Variants in BCKDHA observed in about 807,000 individuals in gnomAD.
BCKDHA encodes branched chain keto acid dehydrogenase E1 subunit alpha.
In BCKDHA, 43 loss-of-function variants were observed where a neutral mutation model predicts 52.2. The observed-to-expected ratio is 0.82, with a 90% CI of 0.64 to 1.06. The LOEUF (loss-of-function observed/expected upper bound fraction) is 1.06. Among genes scored for constraint, BCKDHA ranks in the 50% least tolerant of loss-of-function variants. The pLI is 0.00. For synonymous variants in BCKDHA, 234 were observed against 247.9 expected, an observed-to-expected ratio of 0.94 and a Z score of 0.53; for missense variants, 527 against 621.3, an observed-to-expected ratio of 0.85 and a Z score of 1.61.
Position 41,419,169 on chromosome 19 carries a change from A to G in BCKDHA, c.519A>G (p.Leu173=), listed in dbSNP as rs1358995276. Residue 173 remains leucine (L), a synonymous_variant, in exon 5 of 9, where the codon CTA becomes CTG. Coordinates refer to ENST00000269980, the MANE Select transcript of BCKDHA (RefSeq NM_000709.4). ...TGTATCGGGACTACCCCCTGGAACT[A>G]TTCATGGCCCAGTGCTATGGCAACA... ...VLMYRDYPLE[L]FMAQCYGNIS... 6.2e-7 allele frequency: 1 copy of G among 1,614,030 alleles called. No homozygotes were observed. Among genetic ancestry groups the G allele is most frequent in the Non-Finnish European group, 8.5e-7 (1 of 1,180,024 alleles).
chr19:41,402,895 C>A (rs1321445380), intron 1 of BCKDHA, among the ~76,000 whole-genome samples: 1 of 151,742 alleles, frequency 6.6e-6, no homozygotes, highest in Non-Finnish European at 1.5e-5. Flanking sequence ...CCCACCTCAG[C>A]CTCCCAAAGT....
Position 41,423,085 on chromosome 19 carries a change from C to T in BCKDHA, c.1083C>T (p.Ile361=). ...ACTGGGATAAACAGGACCACCCCAT[C>T]TCCCGGCTGCGGCACTATCTGCTGA... ...VNYWDKQDHP[I]SRLRHYLLSQ... Residue 361 remains isoleucine, a synonymous_variant, in exon 8 of 9, where the codon ATC becomes ATT. Coordinates refer to ENST00000269980, the MANE Select transcript of BCKDHA (RefSeq NM_000709.4). The T allele has an allele frequency of 1.9e-6, 3 of 1,578,022 alleles. No individual in the cohort carries two copies. The highest frequency in any genetic ancestry group is 1.7e-6 in the Non-Finnish European group (2 of 1,161,692).
intron 5 of BCKDHA, among the ~76,000 whole-genome samples, chr19:41,420,032 G>T (rs1046924278): frequency 6.6e-6 from 1 of 152,202 alleles, no homozygotes; most frequent in African/African-American, 2.4e-5. Context: ...CTCTCAAAGT[G>T]CTGGGATTAC....
intron 2 of BCKDHA, 42 bp downstream of exon 2, chr19:41,410,858 A>T: frequency 6.2e-7 from 1 of 1,613,150 alleles, no homozygotes; most frequent in South Asian, 1.1e-5. Context: ...CCCCACGCCC[A>T]GGCCCCTTGC....
chr19:41,402,535 G>C (rs73931475), intron 1 of BCKDHA, among the ~76,000 whole-genome samples: 4,734 of 152,246 alleles, frequency 0.031, 233 homozygotes, highest in African/African-American at 0.11. Flanking sequence ...TGGAGCTCTG[G>C]ACTCCAAAAC....
chr19:41,410,407 A>G (rs78441720), intron 1 of BCKDHA, among the ~76,000 whole-genome samples: 1 of 152,202 alleles, frequency 6.6e-6, no homozygotes, highest in Non-Finnish European at 1.5e-5. Context: ...AACTGTTTTC[A>G]TCCCAGTTTT....
chr19:41,418,534 AT>A (rs112542121), intron 4 of BCKDHA, among the ~76,000 whole-genome samples: 51 of 145,438 alleles, frequency 3.5e-4, no homozygotes, highest in Admixed American at 8.9e-4. Context: ...CATAATGATG[AT>A]TTTTTTTTTT....
chr19:41,404,892 C>T (rs545446612), intron 1 of BCKDHA, among the ~76,000 whole-genome samples: 12 of 152,292 alleles, frequency 7.9e-5, no homozygotes, highest in Admixed American at 5.9e-4. Context: ...CATGAGCCAC[C>T]GCACCCAGCC....
chr19:41,420,888 TC>T (rs1425731092), intron 5 of BCKDHA, among the ~76,000 whole-genome samples: 1 of 152,188 alleles, frequency 6.6e-6, no homozygotes, highest in African/African-American at 2.4e-5. Context: ...CTTCCTGTCC[TC>T]CGGGGCCTGT....
At chr19:41,412,376 A>ATTTTTTTTTTTTTTTTTTTTT (rs1199996566) in intron 3 of BCKDHA, among the ~76,000 whole-genome samples, 4 of 46,398 alleles carry the variant, frequency 8.6e-5, no homozygotes, top group South Asian at 6.6e-4. Context: ...GTCTGTAGAT[A>ATTTTTTTTTTTTTTTTTTTTT]TTTCTTTTTT....
chr19:41,411,484 C>T (rs1726370854), intron 3 of BCKDHA, among the ~76,000 whole-genome samples: 2 of 142,502 alleles, frequency 1.4e-5, no homozygotes, highest in South Asian at 4.5e-4. Context: ...CCAGAGGGTC[C>T]TGTTTTGGGG....
intron 3 of BCKDHA, 21 bp from the exon 4 acceptor site, chr19:41,414,028 C>A: frequency 6.2e-7 from 1 of 1,600,590 alleles, no homozygotes; most frequent in South Asian, 1.1e-5. Flanking sequence ...TGTGGGACCC[C>A]GGTCCCCTCT....
chr19:41,422,455 C>G (rs1022365901), intron 6 of BCKDHA, 85 bp downstream of exon 6: 3 of 1,585,762 alleles, frequency 1.9e-6, no homozygotes, highest in Non-Finnish European at 2.6e-6. Flanking sequence ...CACCCCTACC[C>G]TCCTTCCTGG....
intron 1 of BCKDHA, among the ~76,000 whole-genome samples, chr19:41,400,155 C>T (rs1478143815): frequency 1.3e-5 from 2 of 152,018 alleles, no homozygotes; most frequent in Non-Finnish European, 2.9e-5. Context: ...CAGCCTCAAC[C>T]TCCTGGGCTC....
In BCKDHA at chr19:41,414,029, G is replaced by A. The variant is rs398123500; in HGVS notation, c.376-20G>A. ...CCAGCATAACCAATTGTGGGACCCCGGTCCCCTCTACACCCCCAGGGCCGG... is the reference window on the plus strand; with the variant it reads ...CCAGCATAACCAATTGTGGGACCCCAGTCCCCTCTACACCCCCAGGGCCGG... On this transcript the variant is annotated intron_variant, in intron 3 of 8. Transcript: ENST00000269980. 3 of 1,605,450 alleles carry A rather than the reference G, an allele frequency of 1.9e-6. No homozygotes were observed. The highest frequency in any genetic ancestry group is 1.7e-6 in the Non-Finnish European group (2 of 1,172,852).
At chr19:41,400,968 C>T (rs2039132637) in intron 1 of BCKDHA, among the ~76,000 whole-genome samples, 2 of 152,010 alleles carry the variant, frequency 1.3e-5, no homozygotes, top group Admixed American at 1.3e-4. Context: ...GCCGAGATCG[C>T]ACCACTATAC....
intron 8 of BCKDHA, among the ~76,000 whole-genome samples, chr19:41,423,612 A>G (rs780867316): frequency 2.6e-5 from 4 of 152,170 alleles, no homozygotes; most frequent in Non-Finnish European, 5.9e-5. Flanking sequence ...CGGACAGATC[A>G]CCTGAGGTCG....
chr19:41,424,781 A>G lies in BCKDHA; in HGVS notation c.*173A>G. On this transcript the variant is annotated 3_prime_UTR_variant, in exon 9 of 9. Transcript: ENST00000269980. ...CACCCCTGCTCCTCCCGGCTGTTAC[A>G]TTGTCAGGGGACAGCATCTGCAGCA... 1.5e-6 allele frequency: 1 copy of G among 684,150 alleles called. No homozygotes were observed. Among genetic ancestry groups the G allele is most frequent in the South Asian group, 2.2e-5 (1 of 46,284 alleles). 42.4% of individuals were successfully genotyped at this position (684,150 alleles called of 1,614,324 possible). A position where few individuals can be genotyped will look rare whatever the true frequency, so the allele number is the denominator to read the frequency against.
At chr19:41,398,619 G>A (rs945261709) in intron 1 of BCKDHA, among the ~76,000 whole-genome samples, 3 of 152,200 alleles carry the variant, frequency 2.0e-5, no homozygotes, top group Non-Finnish European at 4.4e-5. Context: ...CACTTGAGAA[G>A]GCTTTGTTTC....
Sources: gnomAD v4.1 joint callset for allele counts (sites outside exome capture counted in the v4.1 genomes callset) on GRCh38, gnomAD v4.1.1 for gene constraint, MANE v1.5 for transcripts, NCBI Gene and HGNC (gene_info 2026-07-23, HGNC 2026-07-21) for gene names.